TAFA4: variants seen among roughly 807,000 people sequenced by gnomAD.
TAFA4 encodes the protein chemokine-like protein TAFA-4.
TAFA4 carries 20 observed loss-of-function variants against 21.1 expected under a neutral mutation model. That is an observed-to-expected ratio of 0.95 (90% CI 0.67 to 1.38). The LOEUF (loss-of-function observed/expected upper bound fraction) is 1.38, where lower values mean the gene tolerates loss of function less well. TAFA4 is among the 40% of genes most tolerant of loss of function. The pLI is 0.00. For missense variants in TAFA4, 211 were observed against 180.9 expected (o/e 1.17, Z -0.95); for synonymous variants, 71 against 67.4 (o/e 1.05, Z -0.26).
intron 3 of TAFA4, among the ~76,000 whole-genome samples, chr3:68,855,930 T>A (rs1223943155): frequency 6.6e-6 from 1 of 152,136 alleles, no homozygotes; most frequent in Non-Finnish European, 1.5e-5. Context: ...CTTTGCCCTT[T>A]CCTGTCTTTC....
chr3:68,736,266 A>G (rs1559753244), intron 5 of TAFA4, among the ~76,000 whole-genome samples: 1 of 152,094 alleles, frequency 6.6e-6, no homozygotes, highest in Admixed American at 6.6e-5. Context: ...AATTAAGAAA[A>G]AAAAAAATTA....
intron 3 of TAFA4, among the ~76,000 whole-genome samples, chr3:68,810,537 G>T (rs1308670293): frequency 6.6e-6 from 1 of 152,164 alleles, no homozygotes; most frequent in Non-Finnish European, 1.5e-5. Flanking sequence ...CCTGCGCCTG[G>T]CTCTGAGGGT....
intron 3 of TAFA4, among the ~76,000 whole-genome samples, chr3:68,762,113 T>C (rs1226531511): frequency 6.7e-6 from 1 of 150,178 alleles, no homozygotes; most frequent in Non-Finnish European, 1.5e-5. Flanking sequence ...TGAGACTAGA[T>C]AAAATCCCAG....
intron 3 of TAFA4, among the ~76,000 whole-genome samples, chr3:68,767,576 G>A (rs1702879110): frequency 6.6e-6 from 1 of 152,018 alleles, no homozygotes; most frequent in Admixed American, 6.6e-5. Context: ...GAAATATGGT[G>A]TTAATATATA....
chr3:68,810,602 C>T (rs917891074), intron 3 of TAFA4, among the ~76,000 whole-genome samples: 1 of 152,164 alleles, frequency 6.6e-6, no homozygotes, highest in African/African-American at 2.4e-5. Flanking sequence ...GATCAAACTG[C>T]AAGGTGGCAG....
At chr3:68,830,765 T>C (rs2106877925) in intron 3 of TAFA4, among the ~76,000 whole-genome samples, 1 of 152,334 alleles carries the variant, frequency 6.6e-6, no homozygotes, top group South Asian at 2.1e-4. Flanking sequence ...GTCTCGTTGA[T>C]CTGTCTAATA....
In TAFA4 at chr3:68,773,484, A is replaced by G. The variant is rs112743289; in HGVS notation, c.131-20466T>C. 8.1e-3 allele frequency among the ~76,000 whole-genome samples: 1,233 copies of G among 152,204 alleles called. 17 individuals carry two copies. Among genetic ancestry groups the G allele is most frequent in the African/African-American group, 0.028 (1,163 of 41,520 alleles). ...ATACTTAGGCATGATTGATTATATC[A>G]CTGGCCATGTGACTAAACCCAATCT... On this transcript the variant is annotated intron_variant, in intron 3 of 5. Transcript: ENST00000295569.
At chr3:68,874,253 T>G (rs2089520934) in intron 3 of TAFA4, among the ~76,000 whole-genome samples, 1 of 152,148 alleles carries the variant, frequency 6.6e-6, no homozygotes, top group African/African-American at 2.4e-5. Context: ...GCAAACACAG[T>G]CTTCTCACAA....
chr3:68,734,592 G>T (rs986496811), intron 5 of TAFA4, among the ~76,000 whole-genome samples: 2 of 152,120 alleles, frequency 1.3e-5, no homozygotes, highest in African/African-American at 4.8e-5. Context: ...GAACAAAGAT[G>T]TAAGAGAAAG....
chr3:68,760,666 C>A (rs919313608), intron 3 of TAFA4, among the ~76,000 whole-genome samples: 2 of 152,146 alleles, frequency 1.3e-5, no homozygotes, highest in African/African-American at 2.4e-5. Flanking sequence ...AAAGAGAAGG[C>A]TAAATACAAG....
At chr3:68,740,494 T>C (rs1261336472) in intron 4 of TAFA4, among the ~76,000 whole-genome samples, 1 of 152,212 alleles carries the variant, frequency 6.6e-6, no homozygotes, top group Non-Finnish European at 1.5e-5. Flanking sequence ...TATGTCTTCC[T>C]TGGAAAAATA....
chr3:68,755,049 G>A (rs544388600), intron 3 of TAFA4, among the ~76,000 whole-genome samples: 1 of 152,264 alleles, frequency 6.6e-6, no homozygotes, highest in East Asian at 1.9e-4. Context: ...CACAACTAGG[G>A]AGTGATTCAG....
intron 1 of TAFA4, among the ~76,000 whole-genome samples, chr3:68,895,018 T>A (rs2089774310): frequency 6.6e-6 from 1 of 152,032 alleles, no homozygotes; most frequent in Non-Finnish European, 1.5e-5. Context: ...CATGCTGGGC[T>A]AATTTTTTTT....
At chr3:68,764,675 G>A (rs1262777179) in intron 3 of TAFA4, among the ~76,000 whole-genome samples, 3 of 152,062 alleles carry the variant, frequency 2.0e-5, no homozygotes, top group Non-Finnish European at 2.9e-5. Flanking sequence ...GGACTGTACT[G>A]GGCACTCCAG....
intron 3 of TAFA4, among the ~76,000 whole-genome samples, chr3:68,877,972 G>A (rs569264046): frequency 6.6e-6 from 1 of 152,106 alleles, no homozygotes; most frequent in African/African-American, 2.4e-5. Flanking sequence ...TTTTACAGAT[G>A]ATAAAACAGG....
chr3:68,765,417 AT>A lies in TAFA4; in HGVS notation c.131-12400del, dbSNP rs564068422. Among the ~76,000 whole-genome samples the A allele has an allele frequency of 4.5e-3, 678 of 151,356 alleles. 3 individuals are homozygous for A. The highest frequency in any genetic ancestry group is 0.011 in the African/African-American group (461 of 41,310). On this transcript the variant is annotated intron_variant, in intron 3 of 5. Transcript: ENST00000295569. The stretch of plus-strand genomic sequence containing the variant: ...AAAATAGGCTCCAGCAATAAGCTGC[AT>A]TTTTTTTTATCATAACCTAAACAAT...
intron 1 of TAFA4, among the ~76,000 whole-genome samples, chr3:68,906,234 G>T (rs1011475891): frequency 6.6e-6 from 1 of 152,166 alleles, no homozygotes; most frequent in Non-Finnish European, 1.5e-5. Context: ...TGTCCTGGGC[G>T]ATGATACATT....
At chr3:68,734,723 G>GATA (rs1702208568) in intron 5 of TAFA4, among the ~76,000 whole-genome samples, 1 of 152,062 alleles carries the variant, frequency 6.6e-6, no homozygotes, top group Non-Finnish European at 1.5e-5. Flanking sequence ...GCAAAATAGA[G>GATA]ATAATAGTAC....
chr3:68,816,003 A>C (rs1213985045), intron 3 of TAFA4, among the ~76,000 whole-genome samples: 1 of 152,248 alleles, frequency 6.6e-6, no homozygotes. Flanking sequence ...GGATGCGTTC[A>C]TGTCCTTTGT....
Sources: gnomAD v4.1 joint callset for allele counts (sites outside exome capture counted in the v4.1 genomes callset) on GRCh38, gnomAD v4.1.1 for gene constraint, MANE v1.5 for transcripts, NCBI Gene and HGNC (gene_info 2026-07-23, HGNC 2026-07-21) for gene names.